The following PMAIP1 variants were observed in gnomAD, a reference collection of about 807,000 sequenced individuals.
PMAIP1 encodes the protein PMA-induced protein 1.
In PMAIP1, 3 loss-of-function variants were observed where a neutral mutation model predicts 3.7. The ratio of observed to expected loss-of-function variants is 0.82; its 90% CI spans 0.37 to 2.12. The LOEUF is 2.12. PMAIP1 is among the 30% of genes most tolerant of loss of function. The probability of loss-of-function intolerance (pLI) is 0.06; values close to 1 mark genes in which losing one functional copy is unlikely to be tolerated. For synonymous variants in PMAIP1, 29 were observed against 26.2 expected (o/e 1.11, Z -0.32); for missense variants, 77 against 67.1 (o/e 1.15, Z -0.52).
chr18:59,901,178 T>C (rs1006679210), intron 1 of PMAIP1, among the ~76,000 whole-genome samples: 1 of 152,228 alleles, frequency 6.6e-6, no homozygotes. Context: ...TCCGACTTAA[T>C]TCCCAAGAAC....
At chr18:59,902,504 A>G (rs931980371) in intron 1 of PMAIP1, 143 bp from the exon 2 acceptor site, 4 of 657,400 alleles carry the variant, frequency 6.1e-6, no homozygotes, top group Non-Finnish European at 1.1e-5. Flanking sequence ...TCACATTTGG[A>G]AAACAGGTGC....
rs1381192038 is a variant in PMAIP1, at chr18:59,900,738, G to T, written c.58+503G>T. ...TTGTAACATTTAAATAATCGATATT[G>T]TGGGAGGTGGGGATAGGAGAATAGG... On this transcript the variant is annotated intron_variant, in intron 1 of 1. Transcript: ENST00000316660. The T allele has an allele frequency of 1.5e-5, 11 of 719,528 alleles. No individual in the cohort carries two copies. The East Asian group carries it at 2.7e-4, about 18-fold the overall frequency. The allele number at this position is 719,528 out of a possible 1,614,324, so 44.6% of individuals were successfully genotyped here.
chr18:59,900,409 C>A lies in PMAIP1; in HGVS notation c.58+174C>A, dbSNP rs7234789. 6.2e-3 allele frequency: 9,679 copies of A among 1,550,104 alleles called. 529 individuals carry two copies. In the African/African-American group the frequency reaches 0.12, roughly 19 times the overall value. ...GCCTTAGGGGCGCCTCCAGAAAGTT[C>A]TTCGGGGTTTTTCCCCAGGACCGGC... On this transcript the variant is annotated intron_variant, in intron 1 of 1. Transcript: ENST00000316660.
At position 59,902,928 on chromosome 18, in the gene PMAIP1, TC is replaced by T. The variant is rs2055783800; in HGVS notation, c.*178del. On this transcript the variant is annotated 3_prime_UTR_variant, in exon 2 of 2. Transcript: ENST00000316660. ...TCAAAGTGAATTTCTGTTCAAGTTT[TC>T]CCAGATTATCATTCTTTGGGATGAG... 2 of 1,056,882 alleles carry T rather than the reference TC, an allele frequency of 1.9e-6. No homozygotes were observed. The highest frequency in any genetic ancestry group is 1.6e-5 in the African/African-American group (1 of 62,818). 65.5% of individuals were successfully genotyped at this position (1,056,882 alleles called of 1,614,324 possible). A position where few individuals can be genotyped will look rare whatever the true frequency, so the allele number is the denominator to read the frequency against.
chr18:59,902,888 G>C lies in PMAIP1; in HGVS notation c.*135G>C. The C allele has an allele frequency of 2.1e-6, 3 of 1,397,018 alleles. No individual in the cohort carries two copies. Among genetic ancestry groups the C allele is most frequent in the Non-Finnish European group, 1.0e-6 (1 of 1,004,908 alleles). The allele number at this position is 1,397,018 out of a possible 1,614,324, so 86.5% of individuals were successfully genotyped here. ...TGCATTCATGGGTGCCCTTGGAAACGGAAGATGGAATACATCAAAGTGAAT... is the reference window on the plus strand; with the variant it reads ...TGCATTCATGGGTGCCCTTGGAAACCGAAGATGGAATACATCAAAGTGAAT... On this transcript the variant is annotated 3_prime_UTR_variant, in exon 2 of 2. Coordinates refer to ENST00000316660, the MANE Select transcript of PMAIP1 (RefSeq NM_021127.3).
chr18:59,902,610 A>G (rs1204386843), intron 1 of PMAIP1, 37 bp from the exon 2 acceptor site: 2 of 1,558,080 alleles, frequency 1.3e-6, no homozygotes, highest in Middle Eastern at 1.7e-4. Flanking sequence ...CTGTAATATC[A>G]TCAATGTTCA....
chr18:59,900,141 G>A lies in PMAIP1; in HGVS notation c.-37G>A, dbSNP rs1351969741. 9.0e-6 allele frequency: 14 copies of A among 1,548,324 alleles called. No individual in the cohort carries two copies. The highest frequency in any genetic ancestry group is 1.9e-5 in the Admixed American group (1 of 51,288). On this transcript the variant is annotated 5_prime_UTR_variant, in exon 1 of 2. Coordinates refer to ENST00000316660, the MANE Select transcript of PMAIP1 (RefSeq NM_021127.3). ...GCTCCAGTTGGAGGCTGAGGTTCCC[G>A]GGCTCTGTAGCTGAGTGGGCGGCGG...
In PMAIP1 at chr18:59,903,763, C is replaced by T. The variant is rs572891665; in HGVS notation, c.*1010C>T. The T allele has an allele frequency of 6.6e-6, 1 of 152,076 alleles. No homozygotes were observed. The highest frequency in any genetic ancestry group is 1.9e-4 in the East Asian group (1 of 5,160). 9.4% of individuals were successfully genotyped at this position (152,076 alleles called of 1,614,324 possible). On this transcript the variant is annotated 3_prime_UTR_variant, in exon 2 of 2. Coordinates refer to ENST00000316660, the MANE Select transcript of PMAIP1 (RefSeq NM_021127.3). ...TTAAAAAAAAGGAACAGTTAGTTCT[C>T]ATCTAGAATGAAAGTTCCATATATG...
rs2055748421 is a variant in PMAIP1, at chr18:59,900,161, CG to C, written c.-15del. 1 of 1,555,184 alleles carries C rather than the reference CG, an allele frequency of 6.4e-7. No individual in the cohort carries two copies. The highest frequency in any genetic ancestry group is 8.7e-7 in the Non-Finnish European group (1 of 1,154,308). On this transcript the variant is annotated 5_prime_UTR_variant, in exon 1 of 2. Transcript: ENST00000316660. ...TTCCCGGGCTCTGTAGCTGAGTGGG[CG>C]GCGGCACCGGCGGAGATGCCTGGGA...
chr18:59,900,037 C>T lies in PMAIP1; in HGVS notation c.-141C>T. 4.9e-6 allele frequency: 4 copies of T among 812,846 alleles called. No homozygotes were observed. The highest frequency in any genetic ancestry group is 7.3e-6 in the Non-Finnish European group (4 of 549,854). 50.4% of individuals were successfully genotyped at this position (812,846 alleles called of 1,614,324 possible). A position where few individuals can be genotyped will look rare whatever the true frequency, so the allele number is the denominator to read the frequency against. ...TCACCGTGTGTAGTTGGCATCTCCGCGCGTCCGGACACCCGATCCCAGCAT... is the reference window on the plus strand; with the variant it reads ...TCACCGTGTGTAGTTGGCATCTCCGTGCGTCCGGACACCCGATCCCAGCAT... On this transcript the variant is annotated 5_prime_UTR_variant, in exon 1 of 2. Transcript: ENST00000316660.
At position 59,903,888 on chromosome 18, in the gene PMAIP1, CAAGT is replaced by C. The variant is rs2055791190; in HGVS notation, c.*1140_*1143del. 2 of 151,970 alleles carry C rather than the reference CAAGT, an allele frequency of 1.3e-5. No homozygotes were observed. Among genetic ancestry groups the C allele is most frequent in the African/African-American group, 2.4e-5 (1 of 41,384 alleles). 9.4% of individuals were successfully genotyped at this position (151,970 alleles called of 1,614,324 possible). A position where few individuals can be genotyped will look rare whatever the true frequency, so the allele number is the denominator to read the frequency against. On this transcript the variant is annotated 3_prime_UTR_variant, in exon 2 of 2. Coordinates refer to ENST00000316660, the MANE Select transcript of PMAIP1 (RefSeq NM_021127.3). ...ATTATATAGCTTCTTAGTAGGGTCT[CAAGT>C]AAGTTTCATTTTTTTTATCTGGGCT...
chr18:59,900,071 G>A lies in PMAIP1; in HGVS notation c.-107G>A, dbSNP rs192421439. ...ACACCCGATCCCAGCATCCCTGCCTGCAGGACTGTTCGTGTTCAGCTCGCG... is the reference window on the plus strand; with the variant it reads ...ACACCCGATCCCAGCATCCCTGCCTACAGGACTGTTCGTGTTCAGCTCGCG... On this transcript the variant is annotated 5_prime_UTR_variant, in exon 1 of 2. Transcript: ENST00000316660. 1,698 of 1,257,200 alleles carry A rather than the reference G, an allele frequency of 1.4e-3. 35 individuals are homozygous for A. The highest frequency in any genetic ancestry group is 1.3e-4 in the Non-Finnish European group (114 of 907,176). 77.9% of individuals were successfully genotyped at this position (1,257,200 alleles called of 1,614,324 possible).
At chr18:59,900,670 G>C in intron 1 of PMAIP1, 1 of 1,396,782 alleles carries the variant, frequency 7.2e-7, no homozygotes, top group Non-Finnish European at 9.7e-7. Flanking sequence ...CGCTTCCAGA[G>C]ACGGCCCCAC....
chr18:59,903,034 T>C lies in PMAIP1; in HGVS notation c.*281T>C. 1 of 603,610 alleles carries C rather than the reference T, an allele frequency of 1.7e-6. No homozygotes were observed. Among genetic ancestry groups the C allele is most frequent in the Non-Finnish European group, 2.9e-6 (1 of 341,646 alleles). The allele number at this position is 603,610 out of a possible 1,614,324, so 37.4% of individuals were successfully genotyped here. ...AAATAAAGAAGTAATTATTGACACA[T>C]TTCTTTTTTACTTAGAGAATCGTTC... On this transcript the variant is annotated 3_prime_UTR_variant, in exon 2 of 2. Coordinates refer to ENST00000316660, the MANE Select transcript of PMAIP1 (RefSeq NM_021127.3).
rs768181718 is a variant in PMAIP1, at chr18:59,900,218, C to T, written c.41C>T (p.Pro14Leu). 1.4e-5 allele frequency: 21 copies of T among 1,553,316 alleles called. 1 individual carries two copies. The East Asian group carries it at 4.3e-4, about 31-fold the overall frequency. ...KKARKNAQPSPARAPAELEVE... is the reference protein window; with the variant it reads ...KKARKNAQPSLARAPAELEVE... ...GCGCGCAAGAACGCTCAACCGAGCC[C>T]CGCGCGGGCTCCAGCAGGTACCGAC... is the stretch of plus-strand genomic sequence containing the variant. Residue 14 changes from proline (P) to leucine (L), a missense_variant, in exon 1 of 2, where the codon CCC becomes CTC. Transcript: ENST00000316660.
In PMAIP1 at chr18:59,900,079, G is replaced by C; in HGVS notation, c.-99G>C. ...TCCCAGCATCCCTGCCTGCAGGACTGTTCGTGTTCAGCTCGCGTCCTGCAG... is the reference window on the plus strand; with the variant it reads ...TCCCAGCATCCCTGCCTGCAGGACTCTTCGTGTTCAGCTCGCGTCCTGCAG... On this transcript the variant is annotated 5_prime_UTR_variant, in exon 1 of 2. Transcript: ENST00000316660. 3.0e-6 allele frequency: 4 copies of C among 1,330,062 alleles called. No individual in the cohort carries two copies. The highest frequency in any genetic ancestry group is 4.1e-6 in the Non-Finnish European group (4 of 967,000). The allele number at this position is 1,330,062 out of a possible 1,614,324, so 82.4% of individuals were successfully genotyped here. A position where few individuals can be genotyped will look rare whatever the true frequency, so the allele number is the denominator to read the frequency against.
intron 1 of PMAIP1, chr18:59,900,581 A>T: frequency 1.3e-6 from 2 of 1,550,328 alleles, no homozygotes; most frequent in South Asian, 2.4e-5. Context: ...GTGCAAGTGT[A>T]GGCGGCTGTC....
In PMAIP1 at chr18:59,900,003, C is replaced by T. The variant is rs1222614844; in HGVS notation, c.-175C>T. 1.1e-5 allele frequency: 6 copies of T among 564,230 alleles called. No individual in the cohort carries two copies. The highest frequency in any genetic ancestry group is 1.8e-5 in the Non-Finnish European group (6 of 336,044). The allele number at this position is 564,230 out of a possible 1,614,324, so 35.0% of individuals were successfully genotyped here. On this transcript the variant is annotated 5_prime_UTR_variant, in exon 1 of 2. Coordinates refer to ENST00000316660, the MANE Select transcript of PMAIP1 (RefSeq NM_021127.3). ...CTCTGGCGCGGGGATCTCAGAGTTT[C>T]CCGGGCACTCACCGTGTGTAGTTGG...
rs898931017 is a variant in PMAIP1, at chr18:59,903,412, T to A, written c.*659T>A. The A allele has an allele frequency of 2.0e-5, 3 of 153,058 alleles. No individual in the cohort carries two copies. The highest frequency in any genetic ancestry group is 7.2e-5 in the African/African-American group (3 of 41,470). The allele number at this position is 153,058 out of a possible 1,614,324, so 9.5% of individuals were successfully genotyped here. Reference sequence around the variant, plus strand: ...GGCGTTACTAGAAACTATGGAAAACTGGAAAATAACTTTGAAAAAATTGGA... The same window carrying A: ...GGCGTTACTAGAAACTATGGAAAACAGGAAAATAACTTTGAAAAAATTGGA... On this transcript the variant is annotated 3_prime_UTR_variant, in exon 2 of 2. Coordinates refer to ENST00000316660, the MANE Select transcript of PMAIP1 (RefSeq NM_021127.3).
Sources: allele counts gnomAD v4.1 joint callset (sites outside exome capture counted in the v4.1 genomes callset), GRCh38; gene constraint gnomAD v4.1.1; transcripts MANE v1.5; gene names NCBI Gene and HGNC (gene_info 2026-07-23, HGNC 2026-07-21).